The following ATRNL1 variants were observed in gnomAD, a reference collection of about 807,000 sequenced individuals.
ATRNL1 encodes the protein attractin like 1, also known as attractin-like protein 1.
In ATRNL1, 95 loss-of-function variants were observed where a neutral mutation model predicts 182.7. The observed-to-expected ratio is 0.52, with a 90% CI of 0.44 to 0.62. The LOEUF (loss-of-function observed/expected upper bound fraction) is 0.62, where lower values mean the gene tolerates loss of function less well. Among genes scored for constraint, ATRNL1 ranks in the 20% least tolerant of loss-of-function variants. ATRNL1 has a pLI of 0.00. For missense variants in ATRNL1, 1,471 were observed against 1,679.5 expected (o/e 0.88, Z 2.17); for synonymous variants, 576 against 568.3 (o/e 1.01, Z -0.19).
At chr10:115,853,251 A>G (rs1372796230) in intron 28 of ATRNL1, among the ~76,000 whole-genome samples, 1 of 152,192 alleles carries the variant, frequency 6.6e-6, no homozygotes, top group Non-Finnish European at 1.5e-5. Context: ...CATATGTATT[A>G]TTAGTGACTA....
At chr10:115,584,741 T>C (rs1855396524) in intron 26 of ATRNL1, among the ~76,000 whole-genome samples, 1 of 152,238 alleles carries the variant, frequency 6.6e-6, no homozygotes, top group Non-Finnish European at 1.5e-5. Flanking sequence ...TTTGTGTCTC[T>C]ATTTCCTTCA....
At chr10:115,376,278 G>C (rs376091644) in intron 19 of ATRNL1, among the ~76,000 whole-genome samples, 3 of 151,744 alleles carry the variant, frequency 2.0e-5, no homozygotes, top group East Asian at 3.9e-4. Context: ...AAGATTCTCT[G>C]CCTTTGACTT....
At chr10:115,189,084 CAT>C (rs1205439344) in intron 8 of ATRNL1, among the ~76,000 whole-genome samples, 1 of 152,056 alleles carries the variant, frequency 6.6e-6, no homozygotes, top group Non-Finnish European at 1.5e-5. Flanking sequence ...ATGGAGGTCT[CAT>C]AAGATTATTC....
intron 8 of ATRNL1, among the ~76,000 whole-genome samples, chr10:115,208,929 T>G (rs7920260): frequency 0.025 from 3,777 of 152,070 alleles, 155 homozygotes; most frequent in African/African-American, 0.086. Context: ...CACTCTATTT[T>G]GGATCTCACT....
intron 19 of ATRNL1, among the ~76,000 whole-genome samples, chr10:115,349,303 T>A (rs1463902981): frequency 6.6e-6 from 1 of 152,246 alleles, no homozygotes; most frequent in Non-Finnish European, 1.5e-5. Context: ...TTCTTTTTAA[T>A]GGTGGAATAA....
intron 26 of ATRNL1, among the ~76,000 whole-genome samples, chr10:115,598,155 C>T (rs988418680): frequency 2.0e-5 from 3 of 151,026 alleles, no homozygotes; most frequent in African/African-American, 4.9e-5. Context: ...CCCAGGCAAG[C>T]GATAAAACAA....
At chr10:115,838,705 T>C (rs1251764711) in intron 27 of ATRNL1, among the ~76,000 whole-genome samples, 1 of 152,174 alleles carries the variant, frequency 6.6e-6, no homozygotes, top group Non-Finnish European at 1.5e-5. Flanking sequence ...ATGTTGATCA[T>C]GGAACATCGA....
chr10:115,547,019 C>T (rs1025106027), intron 25 of ATRNL1, among the ~76,000 whole-genome samples: 8 of 151,894 alleles, frequency 5.3e-5, no homozygotes, highest in Non-Finnish European at 8.8e-5. Flanking sequence ...TTTGGAAGGC[C>T]GAGGCCGGCA....
intron 19 of ATRNL1, among the ~76,000 whole-genome samples, chr10:115,352,196 A>G (rs1554941618): frequency 6.6e-6 from 1 of 151,442 alleles, no homozygotes; most frequent in Non-Finnish European, 1.5e-5. Context: ...TCATCTTCTC[A>G]CTTTTTTTCT....
intron 18 of ATRNL1, among the ~76,000 whole-genome samples, chr10:115,320,235 GC>G (rs1260193820): frequency 1.3e-5 from 2 of 152,050 alleles, no homozygotes; most frequent in African/African-American, 4.8e-5. Flanking sequence ...GTCTCCTCTA[GC>G]TTGTAGGGTT....
At chr10:115,882,671 G>T (rs967148714) in intron 28 of ATRNL1, among the ~76,000 whole-genome samples, 1 of 152,156 alleles carries the variant, frequency 6.6e-6, no homozygotes, top group African/African-American at 2.4e-5. Flanking sequence ...GAATGTTTTG[G>T]TAAGGAAGGG....
Position 115,377,255 on chromosome 10 carries a change from A to T in ATRNL1, c.3176-17404A>T, listed in dbSNP as rs1857727598. ...GAATCACGACGGCAGTTTTTCCCAT[A>T]CTGTTCTTGTGGTAGTGAATAAGTC... On this transcript the variant is annotated intron_variant, in intron 19 of 28. Transcript: ENST00000355044. 2.0e-5 allele frequency among the ~76,000 whole-genome samples: 3 copies of T among 152,214 alleles called. No homozygotes were observed. The South Asian group carries it at 6.2e-4, about 32-fold the overall frequency.
At chr10:115,132,282 A>G (rs1845283295) in intron 5 of ATRNL1, among the ~76,000 whole-genome samples, 1 of 152,184 alleles carries the variant, frequency 6.6e-6, no homozygotes, top group African/African-American at 2.4e-5. Flanking sequence ...ATGGCTGTAT[A>G]GTATTCCATG....
At chr10:115,130,540 A>T (rs940683508) in intron 5 of ATRNL1, among the ~76,000 whole-genome samples, 3 of 152,092 alleles carry the variant, frequency 2.0e-5, no homozygotes, top group Non-Finnish European at 4.4e-5. Flanking sequence ...AATATTAGGT[A>T]TGTCAACTGC....
intron 26 of ATRNL1, among the ~76,000 whole-genome samples, chr10:115,678,143 A>G (rs1555043630): frequency 6.6e-6 from 1 of 152,150 alleles, no homozygotes; most frequent in Non-Finnish European, 1.5e-5. Context: ...TAAGCATGAT[A>G]TAAAAAATAA....
intron 26 of ATRNL1, among the ~76,000 whole-genome samples, chr10:115,609,315 A>T (rs987257374): frequency 7.2e-5 from 11 of 152,140 alleles, no homozygotes; most frequent in African/African-American, 2.7e-4. Context: ...GGATGGGTGC[A>T]GTTGAGAGCA....
At chr10:115,804,181 C>G (rs1406288728) in intron 27 of ATRNL1, among the ~76,000 whole-genome samples, 2 of 152,154 alleles carry the variant, frequency 1.3e-5, no homozygotes, top group African/African-American at 4.8e-5. Context: ...GGTTTGTATA[C>G]TACTCCCTAA....
intron 5 of ATRNL1, among the ~76,000 whole-genome samples, chr10:115,140,102 A>G (rs1554877685): frequency 6.6e-6 from 1 of 152,234 alleles, no homozygotes; most frequent in African/African-American, 2.4e-5. Context: ...GGAGAGAAAG[A>G]ATTGTAAATT....
At chr10:115,538,941 T>A (rs1169588817) in intron 25 of ATRNL1, among the ~76,000 whole-genome samples, 1 of 152,216 alleles carries the variant, frequency 6.6e-6, no homozygotes, top group Non-Finnish European at 1.5e-5. Context: ...GTGTTATAAT[T>A]ACCTACAGTA....
Sources: gnomAD v4.1 joint callset for allele counts (sites outside exome capture counted in the v4.1 genomes callset) on GRCh38, gnomAD v4.1.1 for gene constraint, MANE v1.5 for transcripts, NCBI Gene and HGNC (gene_info 2026-07-23, HGNC 2026-07-21) for gene names.